The following ERCC6L2 variants were observed in gnomAD, a reference collection of about 807,000 sequenced individuals.
ERCC6L2 encodes DNA excision repair protein ERCC-6-like 2.
ERCC6L2 carries 77 observed loss-of-function variants against 132.0 expected under a neutral mutation model. The observed-to-expected ratio is 0.58, with a 90% CI of 0.49 to 0.71. ERCC6L2 has a LOEUF of 0.71. ERCC6L2 is among the 30% of genes least tolerant of loss of function. The pLI is 0.00. For missense variants in ERCC6L2, 1,542 were observed against 1,837.6 expected (o/e 0.84, Z 2.94); for synonymous variants, 583 against 632.4 (o/e 0.92, Z 1.17).
chr9:95,897,464 T>C (rs1487729360), intron 2 of ERCC6L2, among the ~76,000 whole-genome samples: 2 of 152,182 alleles, frequency 1.3e-5, no homozygotes, highest in African/African-American at 4.8e-5. Context: ...GGCCAAATAT[T>C]ATCCCCCTTA....
rs371728827 is a variant in ERCC6L2 at position 95,897,183 on chromosome 9, A to T, written c.472-666A>T. The stretch of plus-strand genomic sequence containing the variant: ...ATTATTTTTTGCCATTTTTACAGAT[A>T]TTATTCAGAGAGGTTAACGCCCTTG... On this transcript the variant is annotated intron_variant, in intron 2 of 18. Coordinates refer to ENST00000653738, the MANE Select transcript of ERCC6L2 (RefSeq NM_020207.7). 2.6e-4 allele frequency among the ~76,000 whole-genome samples: 40 copies of T among 152,290 alleles called. 1 individual carries two copies. The Middle Eastern group carries it at 0.014, about 52-fold the overall frequency.
chr9:95,940,344 T>C (rs1830739592), intron 11 of ERCC6L2, among the ~76,000 whole-genome samples: 1 of 152,112 alleles, frequency 6.6e-6, no homozygotes. Context: ...TCTTGGGATA[T>C]ATATATATAT....
rs1169481833 is a variant in ERCC6L2 at position 96,012,612 on chromosome 9, A to C, written c.4062A>C (p.Ala1354=). The part of the protein sequence containing the change: ...SYREEVFFND[A]ETKKSPVSST... ...GAGAAGAGGTGTTTTTTAATGATGCAGAAACTAAGAAATCACCTGTTAGTT... is the reference window on the plus strand; with the variant it reads ...GAGAAGAGGTGTTTTTTAATGATGCCGAAACTAAGAAATCACCTGTTAGTT... Residue 1354 remains alanine, a synonymous_variant, in exon 19 of 19, where the codon GCA becomes GCC. Transcript: ENST00000653738. 9.5e-6 allele frequency: 13 copies of C among 1,367,670 alleles called. No individual in the cohort carries two copies. The highest frequency in any genetic ancestry group is 1.3e-5 in the Non-Finnish European group (13 of 1,021,828). 84.7% of individuals were successfully genotyped at this position (1,367,670 alleles called of 1,614,324 possible).
intron 16 of ERCC6L2, among the ~76,000 whole-genome samples, chr9:95,975,311 A>G (rs1832619016): frequency 1.3e-5 from 2 of 152,134 alleles, no homozygotes; most frequent in Non-Finnish European, 1.5e-5. Flanking sequence ...AGAAGTGTTC[A>G]TGAGAATAAT....
intron 2 of ERCC6L2, among the ~76,000 whole-genome samples, chr9:95,888,902 A>G (rs542990381): frequency 6.6e-6 from 1 of 152,266 alleles, no homozygotes; most frequent in South Asian, 2.1e-4. Context: ...TTTAATTAAT[A>G]TAATTAATAT....
At chr9:96,029,587 G>C (rs1834428692) in intron 19 of ERCC6L2, among the ~76,000 whole-genome samples, 1 of 152,006 alleles carries the variant, frequency 6.6e-6, no homozygotes, top group South Asian at 2.1e-4. Flanking sequence ...TCCCCACTGA[G>C]GGATTCCTTT....
Position 95,966,586 on chromosome 9 carries a change from A to G in ERCC6L2, c.1972A>G (p.Ser658Gly). The change falls in exon 14 of 19, where the codon AGT becomes GGT. Residue 658 changes from serine (S) to glycine (G), a missense_variant. By Grantham distance (56) the Ser-to-Gly change is moderately conservative (BLOSUM62 0). Around this residue, in one of 4 missense-constraint regions of ERCC6L2, gnomAD observed 945 missense variants for 1,105.2 expected, o/e 0.86. Coordinates refer to ENST00000653738, the MANE Select transcript of ERCC6L2 (RefSeq NM_020207.7). The stretch of plus-strand genomic sequence containing the variant: ...GCAACTTCACTGTGTGGTGGTTGGA[A>G]GTGAAAATGCCAAACGATATTTTGA... The part of the protein sequence containing the change: ...KQQLHCVVVG[S>G]ENAKRYFEAV... 1 of 1,520,346 alleles carries G rather than the reference A, an allele frequency of 6.6e-7. No individual in the cohort carries two copies. Among genetic ancestry groups the G allele is most frequent in the Admixed American group, 1.8e-5 (1 of 56,704 alleles). 94.2% of individuals were successfully genotyped at this position (1,520,346 alleles called of 1,614,324 possible).
At chr9:95,905,981 G>A (rs1162320205) in intron 3 of ERCC6L2, among the ~76,000 whole-genome samples, 1 of 152,160 alleles carries the variant, frequency 6.6e-6, no homozygotes, top group Non-Finnish European at 1.5e-5. Flanking sequence ...AGGAATAGTG[G>A]TAACAGGGAG....
chr9:95,947,881 A>G (rs1174043515), intron 12 of ERCC6L2, among the ~76,000 whole-genome samples: 2 of 146,034 alleles, frequency 1.4e-5, no homozygotes, highest in Non-Finnish European at 2.9e-5. Context: ...TACTGCTCAG[A>G]AAAAAAAAGA....
intron 2 of ERCC6L2, among the ~76,000 whole-genome samples, chr9:95,888,187 T>C (rs992713922): frequency 2.6e-5 from 4 of 152,138 alleles, no homozygotes; most frequent in African/African-American, 9.7e-5. Flanking sequence ...ATTTTTTTCT[T>C]TTTGTTCTGT....
intron 14 of ERCC6L2, among the ~76,000 whole-genome samples, chr9:95,969,420 A>G (rs1832312494): frequency 6.6e-6 from 1 of 152,146 alleles, no homozygotes; most frequent in Non-Finnish European, 1.5e-5. Context: ...GGTGGGTGGC[A>G]TGAGAAGTGG....
intron 1 of ERCC6L2, among the ~76,000 whole-genome samples, chr9:95,880,358 C>G (rs1282140575): frequency 1.3e-5 from 2 of 152,200 alleles, no homozygotes; most frequent in East Asian, 3.9e-4. Context: ...GCATTGCTGT[C>G]CAGAGGATTT....
At chr9:95,892,006 T>C (rs1828195680) in intron 2 of ERCC6L2, among the ~76,000 whole-genome samples, 1 of 152,194 alleles carries the variant, frequency 6.6e-6, no homozygotes, top group African/African-American at 2.4e-5. Flanking sequence ...TTTTATTTGC[T>C]TGTTATTTTA....
intron 4 of ERCC6L2, among the ~76,000 whole-genome samples, chr9:95,912,812 A>G (rs1829404104): frequency 6.6e-6 from 1 of 152,142 alleles, no homozygotes; most frequent in Admixed American, 6.5e-5. Context: ...GATATCTCAC[A>G]TATTAGATTT....
downstream of ERCC6L2, among the ~76,000 whole-genome samples, chr9:96,022,014 C>G (rs979943781): frequency 6.6e-6 from 1 of 152,134 alleles, no homozygotes; most frequent in African/African-American, 2.4e-5. Context: ...GCAGGTCGGC[C>G]CTGCAGCTGC....
intron 12 of ERCC6L2, among the ~76,000 whole-genome samples, chr9:95,942,540 T>G (rs1402468363): frequency 6.8e-6 from 1 of 147,034 alleles, no homozygotes; most frequent in Non-Finnish European, 1.5e-5. Context: ...TGGAAAAAAA[T>G]GAAGGTCTGA....
At chr9:95,926,311 A>G (rs1830097007) in intron 9 of ERCC6L2, among the ~76,000 whole-genome samples, 1 of 152,216 alleles carries the variant, frequency 6.6e-6, no homozygotes, top group South Asian at 2.1e-4. Flanking sequence ...TTAATGAGTT[A>G]GAAACTTACA....
At chr9:95,876,546 TGA>T (rs1469226794) in intron 1 of ERCC6L2, 1 of 155,044 alleles carries the variant, frequency 6.4e-6, no homozygotes, top group Non-Finnish European at 1.4e-5. Context: ...TTAGTTCAGT[TGA>T]GTTTTATTGC....
chr9:96,000,637 C>T (rs1397056417), intron 17 of ERCC6L2, among the ~76,000 whole-genome samples: 1 of 152,072 alleles, frequency 6.6e-6, no homozygotes, highest in Non-Finnish European at 1.5e-5. Context: ...TCCCATTGAA[C>T]TTCTATTAAA....
Sources: gnomAD v4.1 joint callset for allele counts (sites outside exome capture counted in the v4.1 genomes callset) on GRCh38, gnomAD v4.1.1 for gene constraint, gnomAD v4.1.1 regional missense constraint, MANE v1.5 for transcripts, NCBI Gene and HGNC (gene_info 2026-07-23, HGNC 2026-07-21) for gene names.